The following GSKIP variants were observed in gnomAD, a reference collection of about 807,000 sequenced individuals.
GSKIP encodes GSK3B-interacting protein.
GSKIP carries 5 observed loss-of-function variants against 11.9 expected under a neutral mutation model. That is an observed-to-expected ratio of 0.42 (90% CI 0.22 to 0.89). The LOEUF (loss-of-function observed/expected upper bound fraction) is 0.89, where lower values mean the gene tolerates loss of function less well. Among genes scored for constraint, GSKIP ranks in the 40% least tolerant of loss-of-function variants. The probability of loss-of-function intolerance (pLI) is 0.29; values close to 1 mark genes in which losing one functional copy is unlikely to be tolerated. For missense variants in GSKIP, 150 were observed against 166.6 expected, an observed-to-expected ratio of 0.90 and a Z score of 0.55; for synonymous variants, 70 against 62.9, an observed-to-expected ratio of 1.11 and a Z score of -0.54.
chr14:96,375,680 C>A (rs1889180589), intron 1 of GSKIP, among the ~76,000 whole-genome samples: 1 of 152,336 alleles, frequency 6.6e-6, no homozygotes, highest in South Asian at 2.1e-4. Flanking sequence ...GATCCACCCA[C>A]CTCATTCTCC....
At chr14:96,371,643 C>T (rs540337909) in intron 1 of GSKIP, among the ~76,000 whole-genome samples, 26 of 152,046 alleles carry the variant, frequency 1.7e-4, no homozygotes, top group Admixed American at 3.3e-4. Context: ...GATGGGGTTT[C>T]GCCATGTTGG....
At chr14:96,375,728 G>A (rs1047676421) in intron 1 of GSKIP, among the ~76,000 whole-genome samples, 3 of 152,164 alleles carry the variant, frequency 2.0e-5, no homozygotes, top group South Asian at 2.1e-4. Context: ...CACCACGCCC[G>A]GCTTGAAATT....
At chr14:96,371,836 C>G (rs555951243) in intron 1 of GSKIP, among the ~76,000 whole-genome samples, 4 of 152,150 alleles carry the variant, frequency 2.6e-5, no homozygotes, top group African/African-American at 9.7e-5. Flanking sequence ...CTAACTCAGC[C>G]CTAACCTTGT....
At position 96,385,820 on chromosome 14, in the gene GSKIP, C is replaced by T; in HGVS notation, c.*136C>T. ...ACTTGCTTCCAACTTAGGCTTTTGG[C>T]TCAGAAGATTATTGAATAATGATTT... On this transcript the variant is annotated 3_prime_UTR_variant, in exon 4 of 4. Transcript: ENST00000555181. 1.6e-6 allele frequency: 1 copy of T among 636,716 alleles called. No individual in the cohort carries two copies. The allele number at this position is 636,716 out of a possible 1,614,324, so 39.4% of individuals were successfully genotyped here.
chr14:96,366,696 C>A (rs996582433), intron 1 of GSKIP, among the ~76,000 whole-genome samples: 1 of 152,116 alleles, frequency 6.6e-6, no homozygotes, highest in Non-Finnish European at 1.5e-5. Flanking sequence ...GAGTTTGAAA[C>A]CAGCCTTGGT....
chr14:96,379,805 A>G lies in GSKIP; in HGVS notation c.-2+17A>G, dbSNP rs1055556849. On this transcript the variant is annotated intron_variant, in intron 2 of 3. Coordinates refer to ENST00000555181, the MANE Select transcript of GSKIP (RefSeq NM_016472.5). Reference sequence around the variant, plus strand: ...ATCATCAAGGTCCTAATTGCAATGAATTACACTCTTGCTTAAAAAAAAGCT... The same window carrying G: ...ATCATCAAGGTCCTAATTGCAATGAGTTACACTCTTGCTTAAAAAAAAGCT... 11 of 152,152 alleles carry G rather than the reference A, an allele frequency of 7.2e-5. No homozygotes were observed. Among genetic ancestry groups the G allele is most frequent in the African/African-American group, 2.7e-4 (11 of 41,422 alleles). 9.4% of individuals were successfully genotyped at this position (152,152 alleles called of 1,614,324 possible). A position where few individuals can be genotyped will look rare whatever the true frequency, so the allele number is the denominator to read the frequency against.
At position 96,381,978 on chromosome 14, in the gene GSKIP, C is replaced by T. The variant is rs3759599; in HGVS notation, c.-1-269C>T. Reference sequence around the variant, plus strand: ...CATTATTCAAAATAGCTAAAAAACACAATATTCTAAATGCTTATCAATATG... The same window carrying T: ...CATTATTCAAAATAGCTAAAAAACATAATATTCTAAATGCTTATCAATATG... On this transcript the variant is annotated intron_variant, in intron 2 of 3. Coordinates refer to ENST00000555181, the MANE Select transcript of GSKIP (RefSeq NM_016472.5). Among the ~76,000 whole-genome samples, 618 of 152,154 alleles carry T rather than the reference C, an allele frequency of 4.1e-3. 22 individuals are homozygous for T. In the South Asian group the frequency reaches 0.059, roughly 14 times the overall value.
rs551930021 is a variant in GSKIP at position 96,382,391 on chromosome 14, T to A, written c.144T>A (p.Val48=). Residue 48 remains valine, a synonymous_variant, in exon 3 of 4, where the codon GTT becomes GTA. Transcript: ENST00000555181. The part of the protein sequence containing the change: ...EAVVNDVLFA[V]NNMFVSKSLR... ...TTGTAAATGATGTTCTCTTTGCTGT[T>A]AACAACATGTTTGTCTCGAAAAGCC... is the stretch of plus-strand genomic sequence containing the variant. The A allele has an allele frequency of 6.2e-7, 1 of 1,614,052 alleles. No individual in the cohort carries two copies. The highest frequency in any genetic ancestry group is 2.2e-5 in the East Asian group (1 of 44,870).
chr14:96,371,460 T>C lies in GSKIP; in HGVS notation c.-103+7892T>C, dbSNP rs796535805. Among the ~76,000 whole-genome samples the C allele has an allele frequency of 3.9e-3, 592 of 150,028 alleles. 19 individuals carry two copies. The South Asian group carries it at 0.058, about 15-fold the overall frequency. On this transcript the variant is annotated intron_variant, in intron 1 of 3. Coordinates refer to ENST00000555181, the MANE Select transcript of GSKIP (RefSeq NM_016472.5). ...CAACAATCTTTTTTTTTTTTTTTTTTTTGAGACAGAGTCTCACTCTGTCAC... is the reference window on the plus strand; with the variant it reads ...CAACAATCTTTTTTTTTTTTTTTTTCTTGAGACAGAGTCTCACTCTGTCAC...
chr14:96,371,633 G>A (rs1889050742), intron 1 of GSKIP, among the ~76,000 whole-genome samples: 1 of 152,070 alleles, frequency 6.6e-6, no homozygotes, highest in Non-Finnish European at 1.5e-5. Flanking sequence ...TTTTAGTAGA[G>A]ATGGGGTTTC....
At chr14:96,371,622 T>G (rs1228719979) in intron 1 of GSKIP, among the ~76,000 whole-genome samples, 2 of 152,058 alleles carry the variant, frequency 1.3e-5, no homozygotes, top group Non-Finnish European at 2.9e-5. Flanking sequence ...TTTTTTTCTA[T>G]TTTTAGTAGA....
intron 1 of GSKIP, among the ~76,000 whole-genome samples, chr14:96,370,701 T>C (rs1889023418): frequency 6.6e-6 from 1 of 152,150 alleles, no homozygotes; most frequent in Non-Finnish European, 1.5e-5. Context: ...TGTGTGATCT[T>C]CACACACTGG....
Position 96,385,540 on chromosome 14 carries a change from T to C in GSKIP, c.276T>C (p.Phe92=). 1 of 1,612,006 alleles carries C rather than the reference T, an allele frequency of 6.2e-7. No individual in the cohort carries two copies. Among genetic ancestry groups the C allele is most frequent in the Non-Finnish European group, 8.5e-7 (1 of 1,179,288 alleles). ...EAGLKVVGYA[F]DQVDDHLQTP... ...TCTTGTAGGTGGTAGGCTATGCTTT[T>C]GACCAGGTAGATGATCATTTACAGA... is the stretch of plus-strand genomic sequence containing the variant. The change falls in exon 4 of 4, where the codon TTT becomes TTC. Residue 92 remains phenylalanine, a synonymous_variant. Coordinates refer to ENST00000555181, the MANE Select transcript of GSKIP (RefSeq NM_016472.5).
intron 3 of GSKIP, among the ~76,000 whole-genome samples, chr14:96,383,667 G>A (rs574635926): frequency 2.6e-5 from 4 of 152,282 alleles, no homozygotes; most frequent in South Asian, 2.1e-4. Context: ...AAGATGAGTC[G>A]TGTATACTGT....
intron 1 of GSKIP, among the ~76,000 whole-genome samples, chr14:96,371,825 C>T (rs1326059426): frequency 6.6e-6 from 1 of 152,126 alleles, no homozygotes; most frequent in Non-Finnish European, 1.5e-5. Context: ...TTAGAGAAGG[C>T]CTAACTCAGC....
intron 1 of GSKIP, chr14:96,364,574 C>G (rs973875443): frequency 6.6e-6 from 1 of 152,158 alleles, no homozygotes; most frequent in African/African-American, 2.4e-5. Flanking sequence ...CATCTGGTTC[C>G]CCTTTCCACA....
intron 1 of GSKIP, among the ~76,000 whole-genome samples, chr14:96,377,744 A>G (rs1175871341): frequency 6.6e-6 from 1 of 152,092 alleles, no homozygotes; most frequent in Non-Finnish European, 1.5e-5. Flanking sequence ...AACTGACTTC[A>G]TGGTTTTTGG....
At position 96,385,651 on chromosome 14, in the gene GSKIP, A is replaced by G. The variant is rs1889470668; in HGVS notation, c.387A>G (p.Arg129=). The G allele has an allele frequency of 2.5e-6, 4 of 1,613,238 alleles. No individual in the cohort carries two copies. The East Asian group carries it at 8.9e-5, about 36-fold the overall frequency. Residue 129 remains arginine, a synonymous_variant, in exon 4 of 4, where the codon AGA becomes AGG. Coordinates refer to ENST00000555181, the MANE Select transcript of GSKIP (RefSeq NM_016472.5). ...REAFGNALLQ[R]LEALKRDGQS ...CATTTGGAAACGCACTGCTTCAAAG[A>G]CTGGAAGCTTTGAAAAGAGATGGAC...
intron 1 of GSKIP, among the ~76,000 whole-genome samples, chr14:96,370,505 G>A (rs997300954): frequency 1.3e-5 from 2 of 152,162 alleles, no homozygotes; most frequent in African/African-American, 2.4e-5. Context: ...GTAGGGTTGG[G>A]GGGCCAGTTT....
Sources: gnomAD v4.1 joint callset for allele counts (sites outside exome capture counted in the v4.1 genomes callset) on GRCh38, gnomAD v4.1.1 for gene constraint, MANE v1.5 for transcripts, NCBI Gene and HGNC (gene_info 2026-07-23, HGNC 2026-07-21) for gene names.